The following PSEN2 variants were observed in gnomAD, a reference collection of about 807,000 sequenced individuals.
The protein encoded by PSEN2 is presenilin-2.
Under a neutral mutation model 49.1 loss-of-function variants are expected in PSEN2, and 32 were observed. That is an observed-to-expected ratio of 0.65 (90% confidence interval 0.49 to 0.88). The LOEUF is 0.88. PSEN2 is among the 40% of genes least tolerant of loss of function. The pLI, the probability that PSEN2 is intolerant of heterozygous loss-of-function variation, is 0.00. For missense variants in PSEN2, 522 were observed against 586.9 expected, an observed-to-expected ratio of 0.89 and a Z score of 1.14; for synonymous variants, 255 against 244.0, an observed-to-expected ratio of 1.05 and a Z score of -0.42.
At chr1:226,879,173 G>A (rs1571942586) in intron 3 of PSEN2, among the ~76,000 whole-genome samples, 1 of 152,062 alleles carries the variant, frequency 6.6e-6, no homozygotes, top group Non-Finnish European at 1.5e-5. Flanking sequence ...CACCATACCC[G>A]GCCCTTCTCC....
At chr1:226,888,715 G>A in intron 7 of PSEN2, 114 bp from the exon 8 acceptor site, 1 of 905,700 alleles carries the variant, frequency 1.1e-6, no homozygotes, top group South Asian at 1.4e-5. Flanking sequence ...GACAGTGAAG[G>A]TCGGGGAAGG....
intron 11 of PSEN2, 122 bp from the exon 12 acceptor site, chr1:226,893,885 A>G: frequency 1.2e-6 from 1 of 829,008 alleles, no homozygotes; most frequent in Non-Finnish European, 2.1e-6. Flanking sequence ...CTTAGCTTCT[A>G]GAGGCCAGGT....
chr1:226,891,601 C>G (rs575395926), intron 10 of PSEN2, 142 bp from the exon 11 acceptor site: 5 of 831,714 alleles, frequency 6.0e-6, no homozygotes, highest in African/African-American at 5.0e-5. Flanking sequence ...GTGGGGGAAG[C>G]CCTGGTGTCA....
At chr1:226,887,006 G>T (rs1274586013) in intron 6 of PSEN2, among the ~76,000 whole-genome samples, 1 of 152,190 alleles carries the variant, frequency 6.6e-6, no homozygotes, top group African/African-American at 2.4e-5. Context: ...CATTGCCGCT[G>T]GGAGGTTGGC....
At chr1:226,889,521 C>T (rs553940955) in intron 8 of PSEN2, among the ~76,000 whole-genome samples, 9 of 152,268 alleles carry the variant, frequency 5.9e-5, no homozygotes, top group South Asian at 2.1e-4. Context: ...GTGATCGGCC[C>T]GCCTCAGCCT....
At chr1:226,891,508 C>T (rs936245840) in intron 10 of PSEN2, 147 bp downstream of exon 10, 9 of 786,498 alleles carry the variant, frequency 1.1e-5, no homozygotes, top group Admixed American at 2.2e-5. Flanking sequence ...CGGACACATG[C>T]GGCTTGAAGA....
At chr1:226,899,873 T>G (rs573376396), downstream of PSEN2, among the ~76,000 whole-genome samples, 138 of 152,352 alleles carry the variant, frequency 9.1e-4, no homozygotes, top group African/African-American at 3.3e-3. Flanking sequence ...GCATTTCCTC[T>G]TCTTAAAAAC....
chr1:226,900,423 G>A (rs1410324440), downstream of PSEN2, among the ~76,000 whole-genome samples: 1 of 152,212 alleles, frequency 6.6e-6, no homozygotes, highest in South Asian at 2.1e-4. Context: ...ATTGCAAGCC[G>A]ATGAAACTAT....
downstream of PSEN2, chr1:226,899,351 C>T (rs1022053565): frequency 2.0e-5 from 3 of 152,168 alleles, no homozygotes; most frequent in Non-Finnish European, 4.4e-5. Context: ...TCTCTCCTTT[C>T]TCGCTGGTCT....
chr1:226,888,363 CAT>C (rs1186102382), intron 7 of PSEN2, among the ~76,000 whole-genome samples: 6 of 152,136 alleles, frequency 3.9e-5, no homozygotes, highest in Admixed American at 3.9e-4. Context: ...TGGTGGACCA[CAT>C]GTTTCTGTCT....
chr1:226,881,316 GC>G (rs1660973992), intron 3 of PSEN2, among the ~76,000 whole-genome samples: 1 of 152,138 alleles, frequency 6.6e-6, no homozygotes, highest in Non-Finnish European at 1.5e-5. Flanking sequence ...ACAGTGTGAG[GC>G]CCTCACTGGA....
At chr1:226,894,296 G>T (rs1441088044) in intron 12 of PSEN2, among the ~76,000 whole-genome samples, 171 bp downstream of exon 12, 1 of 152,208 alleles carries the variant, frequency 6.6e-6, no homozygotes, top group African/African-American at 2.4e-5. Context: ...AAGGCTCACA[G>T]GAGGTGTGCT....
At chr1:226,902,676 T>C (rs968842809) in intron 12 of PSEN2, among the ~76,000 whole-genome samples, 4 of 152,110 alleles carry the variant, frequency 2.6e-5, no homozygotes, top group African/African-American at 9.7e-5. Context: ...CAGCAGTCCC[T>C]CTCTGAGGCC....
rs1391445273 is a variant in PSEN2, at chr1:226,875,382, T to C, written c.-189T>C. 1 of 152,238 alleles carries C rather than the reference T, an allele frequency of 6.6e-6. No homozygotes were observed. The highest frequency in any genetic ancestry group is 1.5e-5 in the Non-Finnish European group (1 of 68,038). 9.4% of individuals were successfully genotyped at this position (152,238 alleles called of 1,614,324 possible). On this transcript the variant is annotated 5_prime_UTR_variant, in exon 3 of 13. Coordinates refer to ENST00000366783, the MANE Select transcript of PSEN2 (RefSeq NM_000447.3). ...GTTTTAAGCGAGGACGTGGGACTTC[T>C]CAGACGTCAGGAGAGTGATGTGAGG...
chr1:226,884,616 T>C (rs567813104), intron 5 of PSEN2: 17 of 152,190 alleles, frequency 1.1e-4, no homozygotes, highest in African/African-American at 3.9e-4. Flanking sequence ...GTTGTTTCTT[T>C]TAAAGAAAGG....
At chr1:226,880,348 A>G (rs6677908) in intron 3 of PSEN2, 18,230 of 458,052 alleles carry the variant, frequency 0.04, 1,575 homozygotes, top group African/African-American at 0.24. Context: ...CTGTACTCCA[A>G]CGTAAGTGAC....
intron 12 of PSEN2, among the ~76,000 whole-genome samples, chr1:226,894,751 C>T (rs148920786): frequency 1.2e-3 from 189 of 152,288 alleles, no homozygotes; most frequent in African/African-American, 4.2e-3. Flanking sequence ...GGCATCTGCC[C>T]CTTAGTGAAA....
chr1:226,886,693 G>A (rs1661385685), intron 6 of PSEN2, among the ~76,000 whole-genome samples: 1 of 152,222 alleles, frequency 6.6e-6, no homozygotes, highest in South Asian at 2.1e-4. Context: ...CAGGCTAGAG[G>A]GATGGGACAG....
chr1:226,902,802 T>A (rs574417315), intron 12 of PSEN2, among the ~76,000 whole-genome samples: 5 of 152,128 alleles, frequency 3.3e-5, no homozygotes, highest in Non-Finnish European at 7.4e-5. Flanking sequence ...AGGTTCCGAG[T>A]CTTGCCAGCA....
Sources: gnomAD v4.1 joint callset for allele counts (sites outside exome capture counted in the v4.1 genomes callset) on GRCh38, gnomAD v4.1.1 for gene constraint, MANE v1.5 for transcripts, NCBI Gene and HGNC (gene_info 2026-07-23, HGNC 2026-07-21) for gene names.